PTPRD: variants seen among roughly 807,000 people sequenced by gnomAD.
PTPRD encodes protein tyrosine phosphatase receptor type D.
A neutral mutation model predicts 214.5 loss-of-function variants in PTPRD; 34 were observed. The observed-to-expected ratio is 0.16, with a 90% confidence interval of 0.12 to 0.21. The LOEUF (loss-of-function observed/expected upper bound fraction) is 0.21. Among genes scored for constraint, PTPRD ranks in the 10% least tolerant of loss-of-function variants. The pLI is 1.00. For synonymous variants in PTPRD, 1,128 were observed against 845.7 expected (o/e 1.33, Z -5.79); for missense variants, 2,545 against 2,398.7 (o/e 1.06, Z -1.27).
chr9:10,587,298 C>G (rs908304257), intron 2 of PTPRD, among the ~76,000 whole-genome samples: 1 of 152,016 alleles, frequency 6.6e-6, no homozygotes, highest in African/African-American at 2.4e-5. Context: ...ATATTTTTCA[C>G]AAAACTATCG....
chr9:10,581,009 C>T (rs2071548551), intron 2 of PTPRD, among the ~76,000 whole-genome samples: 1 of 152,104 alleles, frequency 6.6e-6, no homozygotes, highest in African/African-American at 2.4e-5. Context: ...TATTGCAAAC[C>T]TGGGATCCTG....
At chr9:9,015,048 T>G (rs1003143406) in intron 11 of PTPRD, among the ~76,000 whole-genome samples, 13 of 152,172 alleles carry the variant, frequency 8.5e-5, no homozygotes, top group African/African-American at 2.2e-4. Flanking sequence ...TTTAACTATT[T>G]AAAATCAATT....
chr9:9,664,323 T>G (rs923257541), intron 7 of PTPRD, among the ~76,000 whole-genome samples: 1 of 151,586 alleles, frequency 6.6e-6, no homozygotes, highest in African/African-American at 2.4e-5. Context: ...GAAGAAAGCT[T>G]TTCTAACGCA....
chr9:10,512,470 A>G lies in PTPRD; in HGVS notation c.-600+99928T>C, dbSNP rs144639756. On this transcript the variant is annotated intron_variant, in intron 2 of 45. Transcript: ENST00000381196. Reference sequence around the variant, plus strand: ...AAAGGCTTGAAGATGCTATACAGAGAGATAGTGCTCCTATGATCCATAAGT... The same window carrying G: ...AAAGGCTTGAAGATGCTATACAGAGGGATAGTGCTCCTATGATCCATAAGT... Among the ~76,000 whole-genome samples the G allele has an allele frequency of 4.0e-3, 610 of 152,158 alleles. 5 individuals are homozygous for G. Among genetic ancestry groups the G allele is most frequent in the African/African-American group, 0.014 (583 of 41,522 alleles).
At chr9:9,149,800 G>A (rs1335599736) in intron 10 of PTPRD, among the ~76,000 whole-genome samples, 1 of 152,204 alleles carries the variant, frequency 6.6e-6, no homozygotes, top group Non-Finnish European at 1.5e-5. Context: ...GCATTTGGAT[G>A]CTGGCAGCTG....
At chr9:8,734,020 T>C in intron 11 of PTPRD, 74 bp from the exon 12 acceptor site, 1 of 623,300 alleles carries the variant, frequency 1.6e-6, no homozygotes, top group East Asian at 2.8e-5. Flanking sequence ...CTTTCCCCCC[T>C]GGTTCCATCA....
At chr9:9,981,905 C>G (rs2095555637) in intron 4 of PTPRD, among the ~76,000 whole-genome samples, 1 of 152,114 alleles carries the variant, frequency 6.6e-6, no homozygotes, top group African/African-American at 2.4e-5. Flanking sequence ...CAGGGCTTTT[C>G]TGTTGTTGTT....
chr9:9,636,584 T>C (rs762368129), intron 7 of PTPRD, among the ~76,000 whole-genome samples: 4 of 152,200 alleles, frequency 2.6e-5, no homozygotes, highest in African/African-American at 9.6e-5. Flanking sequence ...ACATCTATGA[T>C]AGACACTAAA....
intron 4 of PTPRD, among the ~76,000 whole-genome samples, chr9:10,014,137 C>G (rs1430661170): frequency 1.3e-5 from 2 of 152,010 alleles, no homozygotes; most frequent in South Asian, 2.1e-4. Context: ...CTTAAAGTTA[C>G]ATAACATTTC....
chr9:9,030,803 G>A (rs937352279), intron 10 of PTPRD, among the ~76,000 whole-genome samples: 36 of 151,956 alleles, frequency 2.4e-4, no homozygotes, highest in African/African-American at 8.0e-4. Flanking sequence ...AATCCAATAT[G>A]TATCCTGTAT....
chr9:9,448,883 G>A (rs955880377), intron 8 of PTPRD, among the ~76,000 whole-genome samples: 56 of 151,918 alleles, frequency 3.7e-4, no homozygotes, highest in Non-Finnish European at 3.8e-4. Flanking sequence ...TCATTGCCTC[G>A]TCTTCCATCA....
At chr9:10,429,001 G>A (rs1409947409) in intron 2 of PTPRD, among the ~76,000 whole-genome samples, 2 of 151,882 alleles carry the variant, frequency 1.3e-5, no homozygotes, top group African/African-American at 4.8e-5. Context: ...AATGTCTGGG[G>A]CATAGTAAAT....
At chr9:9,627,233 A>C (rs1435534527) in intron 7 of PTPRD, among the ~76,000 whole-genome samples, 1 of 152,130 alleles carries the variant, frequency 6.6e-6, no homozygotes, top group Non-Finnish European at 1.5e-5. Context: ...CTTGAATCTG[A>C]GAAGCAGAGG....
chr9:9,156,068 C>T (rs188888212), intron 10 of PTPRD, among the ~76,000 whole-genome samples: 30 of 152,204 alleles, frequency 2.0e-4, no homozygotes, highest in African/African-American at 7.2e-4. Flanking sequence ...TGTTTCAGAG[C>T]AGGGCAATAT....
intron 7 of PTPRD, among the ~76,000 whole-genome samples, chr9:9,668,242 T>C (rs191031511): frequency 1.3e-5 from 2 of 152,280 alleles, no homozygotes; most frequent in East Asian, 3.9e-4. Flanking sequence ...ATTTTCCCCC[T>C]TATGCAACAC....
intron 3 of PTPRD, among the ~76,000 whole-genome samples, chr9:10,333,219 G>A (rs1242301399): frequency 6.6e-6 from 1 of 151,790 alleles, no homozygotes; most frequent in Admixed American, 6.6e-5. Context: ...TGCCTAAGGC[G>A]TCAGGTGGGA....
intron 11 of PTPRD, among the ~76,000 whole-genome samples, chr9:8,809,632 A>T (rs930757540): frequency 2.6e-5 from 4 of 152,194 alleles, no homozygotes; most frequent in Non-Finnish European, 5.9e-5. Flanking sequence ...CTGAGCAGAT[A>T]CCTGAAAAAT....
chr9:9,444,442 A>G (rs1046168341), intron 8 of PTPRD, among the ~76,000 whole-genome samples: 4 of 152,194 alleles, frequency 2.6e-5, no homozygotes, highest in Non-Finnish European at 4.4e-5. Context: ...GACTAGAACT[A>G]TGTTCTGTGA....
intron 3 of PTPRD, among the ~76,000 whole-genome samples, chr9:10,090,075 T>C (rs964361268): frequency 6.6e-6 from 1 of 151,690 alleles, no homozygotes; most frequent in Non-Finnish European, 1.5e-5. Context: ...CTGGGAATTA[T>C]GGACAGTTCA....
Sources: gnomAD v4.1 joint callset for allele counts (sites outside exome capture counted in the v4.1 genomes callset) on GRCh38, gnomAD v4.1.1 for gene constraint, MANE v1.5 for transcripts, NCBI Gene and HGNC (gene_info 2026-07-23, HGNC 2026-07-21) for gene names.